The following MID1 variants were observed in gnomAD, a reference collection of about 807,000 sequenced individuals.
MID1 encodes midline 1.
A neutral mutation model predicts 40.4 loss-of-function variants in MID1; 7 were observed. That is an observed-to-expected ratio of 0.17 (90% CI 0.10 to 0.33). MID1 has a LOEUF of 0.33. MID1 is among the 10% of genes least tolerant of loss of function. The probability of loss-of-function intolerance (pLI) is 1.00; values close to 1 mark genes in which losing one functional copy is unlikely to be tolerated. For synonymous variants in MID1, 229 were observed against 221.2 expected, an observed-to-expected ratio of 1.04 and a Z score of -0.31; for missense variants, 367 against 558.5, an observed-to-expected ratio of 0.66 and a Z score of 3.46.
At chrX:10,696,162 G>T (rs1042822172) in intron 1 of MID1, among the ~76,000 whole-genome samples, 1 of 111,734 alleles carries the variant, frequency 8.9e-6, no homozygotes, top group Non-Finnish European at 1.9e-5. Context: ...GCTCAAGCAT[G>T]CACACTAAGA....
chrX:10,587,020 A>G (rs1935156830), intron 1 of MID1, among the ~76,000 whole-genome samples: 2 of 112,676 alleles, frequency 1.8e-5, no homozygotes, highest in African/African-American at 6.5e-5. Flanking sequence ...CTACCAAAAT[A>G]TTGACTCAAA....
chrX:10,810,046 T>C (rs887949676), intron 1 of MID1, among the ~76,000 whole-genome samples: 1 of 112,019 alleles, frequency 8.9e-6, no homozygotes, highest in Non-Finnish European at 1.9e-5. Context: ...CATTTAGCCC[T>C]TTTAAAGTGT....
At chrX:10,630,030 C>T (rs1421014716) in intron 1 of MID1, among the ~76,000 whole-genome samples, 2 of 111,820 alleles carry the variant, frequency 1.8e-5, no homozygotes, top group Non-Finnish European at 3.8e-5. Context: ...CATAGGTATT[C>T]AGTAAGTATT....
intron 3 of MID1, among the ~76,000 whole-genome samples, chrX:10,522,115 G>A (rs1399561546): frequency 8.9e-6 from 1 of 112,240 alleles, no homozygotes; most frequent in African/African-American, 3.2e-5. Context: ...GGATTACAGG[G>A]TGTGAGCCAC....
At chrX:10,497,342 C>T (rs749478915) in intron 3 of MID1, among the ~76,000 whole-genome samples, 14 of 112,123 alleles carry the variant, frequency 1.2e-4, no homozygotes, top group African/African-American at 3.2e-4. Flanking sequence ...GGCCCTTCTG[C>T]GCACTTTCTT....
At chrX:10,497,043 G>A (rs983401489) in intron 3 of MID1, among the ~76,000 whole-genome samples, 1 of 112,223 alleles carries the variant, frequency 8.9e-6, no homozygotes, top group Non-Finnish European at 1.9e-5. Flanking sequence ...TAATCATTAG[G>A]CTTCATTTCT....
chrX:10,570,472 C>T (rs111847327), intron 1 of MID1, among the ~76,000 whole-genome samples: 10,865 of 111,958 alleles, frequency 0.097, 852 homozygotes, highest in African/African-American at 0.27. Context: ...TCTGTGAAAG[C>T]AGAGATTTTG....
At chrX:10,609,156 TACACACAC>T (rs369473330) in intron 1 of MID1, among the ~76,000 whole-genome samples, 2 of 106,977 alleles carry the variant, frequency 1.9e-5, no homozygotes, top group African/African-American at 3.4e-5. Flanking sequence ...CACACGTGCA[TACACACAC>T]ACACACACAC....
At chrX:10,671,353 T>A (rs1327156920) in intron 1 of MID1, among the ~76,000 whole-genome samples, 1 of 112,103 alleles carries the variant, frequency 8.9e-6, no homozygotes, top group Non-Finnish European at 1.9e-5. Context: ...TCACGTAAGG[T>A]CTCCTTGCTT....
At chrX:10,547,056 T>G (rs1263449277) in intron 2 of MID1, among the ~76,000 whole-genome samples, 1 of 111,682 alleles carries the variant, frequency 9.0e-6, no homozygotes, top group African/African-American at 3.3e-5. Flanking sequence ...TTTGGGAGGT[T>G]GAAGTGGGAA....
In MID1 at chrX:10,798,645, C is replaced by G. The variant is rs112330941; in HGVS notation, c.-187+34909G>C. The stretch of plus-strand genomic sequence containing the variant: ...CTGTGTGGCAATGGACATCTTTACC[C>G]ACTCTGAGCTCATCAGTCCCCTTAT... On this transcript the variant is annotated intron_variant, in intron 1 of 10. Transcript: ENST00000380785. Among the ~76,000 whole-genome samples the G allele has an allele frequency of 8.7e-3, 976 of 111,691 alleles. 15 individuals carry two copies. The highest frequency in any genetic ancestry group is 0.03 in the African/African-American group (925 of 30,699).
At chrX:10,815,638 C>T (rs776231351) in intron 1 of MID1, among the ~76,000 whole-genome samples, 4 of 112,403 alleles carry the variant, frequency 3.6e-5, no homozygotes, top group Non-Finnish European at 5.6e-5. Context: ...GAACTGGAAA[C>T]CCTAAAGCTC....
intron 1 of MID1, among the ~76,000 whole-genome samples, chrX:10,694,469 T>C (rs2043149300): frequency 2.7e-5 from 3 of 112,107 alleles, no homozygotes; most frequent in African/African-American, 9.7e-5. Context: ...TGGTAATCTG[T>C]TTTGTCAGTT....
In MID1 at chrX:10,464,963, T is replaced by A. The variant is rs568467814; in HGVS notation, c.1285+4734A>T. Among the ~76,000 whole-genome samples, 93 of 109,692 alleles carry A rather than the reference T, an allele frequency of 8.5e-4. No individual in the cohort carries two copies. The South Asian group carries it at 0.034, about 40-fold the overall frequency. On this transcript the variant is annotated intron_variant, in intron 7 of 9. Transcript: ENST00000317552. ...ACTTTGGGAGGCCAAGGTGGGTGGATCACTTGAGGCCAGGAGTTGAGACCA... is the reference window on the plus strand; with the variant it reads ...ACTTTGGGAGGCCAAGGTGGGTGGAACACTTGAGGCCAGGAGTTGAGACCA...
intron 1 of MID1, among the ~76,000 whole-genome samples, chrX:10,789,351 A>G (rs1469619971): frequency 8.9e-6 from 1 of 112,613 alleles, no homozygotes; most frequent in Non-Finnish European, 1.9e-5. Flanking sequence ...AAGTGCAATC[A>G]TGCACCACAT....
chrX:10,608,799 A>G (rs1380730530), intron 1 of MID1, among the ~76,000 whole-genome samples: 3 of 111,868 alleles, frequency 2.7e-5, no homozygotes, highest in African/African-American at 9.8e-5. Flanking sequence ...GCCCTCTAAA[A>G]TGCATTTTTT....
intron 1 of MID1, among the ~76,000 whole-genome samples, chrX:10,592,477 T>C (rs758184442): frequency 1.2e-4 from 13 of 109,175 alleles, no homozygotes; most frequent in African/African-American, 4.3e-4. Flanking sequence ...TCTTGAAAAA[T>C]ACTTTTCAGC....
At chrX:10,666,619 T>C (rs369379199) in intron 1 of MID1, among the ~76,000 whole-genome samples, 1 of 111,493 alleles carries the variant, frequency 9.0e-6, no homozygotes, top group Middle Eastern at 4.7e-3. Flanking sequence ...ATTTCAAAGA[T>C]ACTCGGCCTA....
At chrX:10,716,826 T>A (rs1018470547) in intron 1 of MID1, among the ~76,000 whole-genome samples, 2 of 111,886 alleles carry the variant, frequency 1.8e-5, no homozygotes, top group African/African-American at 3.3e-5. Flanking sequence ...GGGAAGCCCA[T>A]CAAACTAACA....
Sources: gnomAD v4.1 joint callset for allele counts (sites outside exome capture counted in the v4.1 genomes callset) on GRCh38, gnomAD v4.1.1 for gene constraint, MANE v1.5 for transcripts, NCBI Gene and HGNC (gene_info 2026-07-23, HGNC 2026-07-21) for gene names.